Variants in TFPI2 observed in about 807,000 individuals in gnomAD.
The protein encoded by TFPI2 is tissue factor pathway inhibitor 2.
In TFPI2, 23 loss-of-function variants were observed where a neutral mutation model predicts 23.1. The observed-to-expected ratio is 1.00, with a 90% CI of 0.72 to 1.41. The LOEUF is 1.41. Ranked by LOEUF, TFPI2 falls within the 40% of genes most tolerant of loss-of-function variation. TFPI2 has a pLI of 0.00. For synonymous variants in TFPI2, 119 were observed against 111.7 expected (o/e 1.07, Z -0.41); for missense variants, 291 against 299.6 (o/e 0.97, Z 0.21).
chr7:93,889,113 C>T lies in TFPI2; in HGVS notation c.382G>A (p.Gly128Ser), dbSNP rs768678727. 18 of 1,612,938 alleles carry T rather than the reference C, an allele frequency of 1.1e-5. No homozygotes were observed. The highest frequency in any genetic ancestry group is 7.7e-5 in the South Asian group (7 of 90,798). ...SSMTCEKFFS[G>S]GCHRNRIENR... is the part of the protein sequence containing the mutation. The stretch of plus-strand genomic sequence containing the variant: ...TCAATCCGGTTCCGGTGACACCCAC[C>T]GGAAAAGAATTTTTCACATGTCATG... Residue 128 changes from glycine (G) to serine (S), a missense_variant, in exon 3 of 5, where the codon GGT becomes AGT. Transcript: ENST00000222543.
At chr7:93,888,219 T>A (rs1184619223) in intron 3 of TFPI2, among the ~76,000 whole-genome samples, 1 of 152,162 alleles carries the variant, frequency 6.6e-6, no homozygotes. Context: ...TAGAAAGAAA[T>A]TTTCAAGTTT....
rs367846975 is a variant in TFPI2 at position 93,890,365 on chromosome 7, G to A, written c.89-46C>T. 2.9e-5 allele frequency: 46 copies of A among 1,566,700 alleles called. No individual in the cohort carries two copies. The African/African-American group carries it at 5.2e-4, about 18-fold the overall frequency. ...GAGCAAAAGAGAGGGAAAGTGGTCAGGCGTAGCTCCTAGGAGGAAAGAACA... is the reference window on the plus strand; with the variant it reads ...GAGCAAAAGAGAGGGAAAGTGGTCAAGCGTAGCTCCTAGGAGGAAAGAACA... On this transcript the variant is annotated intron_variant, in intron 1 of 4. Coordinates refer to ENST00000222543, the MANE Select transcript of TFPI2 (RefSeq NM_006528.4).
In TFPI2 at chr7:93,890,750, T is replaced by C; in HGVS notation, c.-72A>G. On this transcript the variant is annotated 5_prime_UTR_variant, in exon 1 of 5. Transcript: ENST00000222543. ...GCCTGGCGGGAGGAGGTGCGCGGCT[T>C]TCTGCTCCAGGCGGCCCGGGTGCCC... 6.9e-7 allele frequency: 1 copy of C among 1,439,536 alleles called. No homozygotes were observed. Among genetic ancestry groups the C allele is most frequent in the Non-Finnish European group, 9.5e-7 (1 of 1,051,110 alleles). The allele number at this position is 1,439,536 out of a possible 1,614,324, so 89.2% of individuals were successfully genotyped here. A position where few individuals can be genotyped will look rare whatever the true frequency, so the allele number is the denominator to read the frequency against.
At chr7:93,890,470 A>G in intron 1 of TFPI2, 121 bp downstream of exon 1, 1 of 1,412,524 alleles carries the variant, frequency 7.1e-7, no homozygotes, top group Non-Finnish European at 9.5e-7. Flanking sequence ...CCCCCCTGCC[A>G]GCGGAGCGCG....
chr7:93,886,163 A>G lies in TFPI2; in HGVS notation c.*657T>C, dbSNP rs570707694. On this transcript the variant is annotated 3_prime_UTR_variant, in exon 5 of 5. Transcript: ENST00000222543. Reference sequence around the variant, plus strand: ...AAAACCCTTAAAACCATCTATCTCTATGTAAACACAAACATATACATGTGA... The same window carrying G: ...AAAACCCTTAAAACCATCTATCTCTGTGTAAACACAAACATATACATGTGA... The G allele has an allele frequency of 2.0e-5, 3 of 152,164 alleles. No individual in the cohort carries two copies. The South Asian group carries it at 6.2e-4, about 32-fold the overall frequency. The allele number at this position is 152,164 out of a possible 1,614,324, so 9.4% of individuals were successfully genotyped here.
Position 93,887,368 on chromosome 7 carries a change from T to C in TFPI2, c.524A>G (p.Tyr175Cys). 1.9e-6 allele frequency: 3 copies of C among 1,613,860 alleles called. No individual in the cohort carries two copies. Among genetic ancestry groups the C allele is most frequent in the Non-Finnish European group, 2.5e-6 (3 of 1,179,822 alleles). The change falls in exon 4 of 5, where the codon TAT becomes TGT. Residue 175 changes from tyrosine (Y) to cysteine (C), a missense_variant. Physicochemically the swap from Tyr to Cys is radical, Grantham distance 194. Coordinates refer to ENST00000222543, the MANE Select transcript of TFPI2 (RefSeq NM_006528.4). ...ACAGGTTCTGTATCTTGGATTAAAA[T>C]AATAGCGAGTCACATTGGCAGAGCA... ...GLCSANVTRY[Y>C]FNPRYRTCDA...
chr7:93,890,113 C>T (rs1794095691), intron 2 of TFPI2, 24 bp downstream of exon 2: 3 of 1,564,924 alleles, frequency 1.9e-6, no homozygotes, highest in African/African-American at 1.4e-5. Flanking sequence ...GCGCGAGAGT[C>T]CTGGGTGCGC....
rs1453896152 is a variant in TFPI2 at position 93,886,190 on chromosome 7, T to A, written c.*630A>T. 1.3e-5 allele frequency: 2 copies of A among 152,018 alleles called. No individual in the cohort carries two copies. Among genetic ancestry groups the A allele is most frequent in the African/African-American group, 4.8e-5 (2 of 41,444 alleles). 9.4% of individuals were successfully genotyped at this position (152,018 alleles called of 1,614,324 possible). ...GTAAACACAAACATATACATGTGAG[T>A]GGGGATTGGTAGATAAATAGATAGA... On this transcript the variant is annotated 3_prime_UTR_variant, in exon 5 of 5. Transcript: ENST00000222543.
Position 93,890,146 on chromosome 7 carries a change from T to C in TFPI2, c.262A>G (p.Arg88Gly), listed in dbSNP as rs111975101. 6.2e-6 allele frequency: 10 copies of C among 1,604,566 alleles called. No individual in the cohort carries two copies. The highest frequency in any genetic ancestry group is 2.2e-5 in the East Asian group (1 of 44,582). ...TWEACDDACWRIEKVPKVCRL... is the reference protein window; with the variant it reads ...TWEACDDACWGIEKVPKVCRL... ...CGCGCAGGGCACTTACTTTCTATCC[T>C]CCAGCAAGCATCGTCGCAAGCCTCC... Residue 88 changes from arginine to glycine, a missense_variant, in exon 2 of 5, where the codon AGG becomes GGG. Coordinates refer to ENST00000222543, the MANE Select transcript of TFPI2 (RefSeq NM_006528.4).
chr7:93,887,408 T>G lies in TFPI2; in HGVS notation c.484A>C (p.Lys162Gln). 6.2e-7 allele frequency: 1 copy of G among 1,610,650 alleles called. No individual in the cohort carries two copies. Among genetic ancestry groups the G allele is most frequent in the Non-Finnish European group, 8.5e-7 (1 of 1,179,094 alleles). ...TTGGCAGAGCACAGTCCCTCATCTT[T>G]TGGACTGTAGCAAAATGATGGAACT... Reference protein sequence around the residue: ...KKIPSFCYSPKDEGLCSANVT... With the variant: ...KKIPSFCYSPQDEGLCSANVT... The change falls in exon 4 of 5, where the codon AAA becomes CAA. Residue 162 changes from lysine to glutamine, a missense_variant. Physicochemically the swap from Lys to Gln is moderately conservative, Grantham distance 53 (BLOSUM62 1). Transcript: ENST00000222543.
At position 93,890,700 on chromosome 7, in the gene TFPI2, C is replaced by T. The variant is rs897804159; in HGVS notation, c.-22G>A. 1.3e-6 allele frequency: 2 copies of T among 1,598,954 alleles called. No homozygotes were observed. The highest frequency in any genetic ancestry group is 1.4e-5 in the African/African-American group (1 of 73,032). ...CCATGGTGCAGGGGGTCGGGCGGCC[C>T]GCTGGGCAAGGCGTCCGAGAAAGCG... is the stretch of plus-strand genomic sequence containing the variant. On this transcript the variant is annotated 5_prime_UTR_variant, in exon 1 of 5. Coordinates refer to ENST00000222543, the MANE Select transcript of TFPI2 (RefSeq NM_006528.4).
In TFPI2 at chr7:93,890,546, C is replaced by T. The variant is rs1334155694; in HGVS notation, c.88+45G>A. On this transcript the variant is annotated intron_variant, in intron 1 of 4. Transcript: ENST00000222543. ...CACGGGGCCCCATGGCCCGCTGCGC[C>T]CTCTCCGCCGGTTGGGGAGAGAAGC... The T allele has an allele frequency of 1.9e-6, 3 of 1,593,594 alleles. No homozygotes were observed. The East Asian group carries it at 6.8e-5, about 36-fold the overall frequency.
chr7:93,885,915 C>T lies in TFPI2; in HGVS notation c.*905G>A, dbSNP rs1357019648. The T allele has an allele frequency of 6.6e-6, 1 of 151,826 alleles. No individual in the cohort carries two copies. The highest frequency in any genetic ancestry group is 2.1e-4 in the South Asian group (1 of 4,816). The allele number at this position is 151,826 out of a possible 1,614,324, so 9.4% of individuals were successfully genotyped here. A position where few individuals can be genotyped will look rare whatever the true frequency, so the allele number is the denominator to read the frequency against. ...AGAATTTAGAAAAATTGTTTTATTACAGAGAAAGAAAAAACCTATTTCATT... is the reference window on the plus strand; with the variant it reads ...AGAATTTAGAAAAATTGTTTTATTATAGAGAAAGAAAAAACCTATTTCATT... On this transcript the variant is annotated 3_prime_UTR_variant, in exon 5 of 5. Transcript: ENST00000222543.
In TFPI2 at chr7:93,889,083, T is replaced by G; in HGVS notation, c.412A>C (p.Arg138=). 1 of 1,611,828 alleles carries G rather than the reference T, an allele frequency of 6.2e-7. No individual in the cohort carries two copies. The highest frequency in any genetic ancestry group is 8.5e-7 in the Non-Finnish European group (1 of 1,179,322). ...GGCHRNRIEN[R]FPDEATCMGF... ...ATACAAGTAGCTTCATCTGGAAACC[T>G]GTTCTCAATCCGGTTCCGGTGACAC... The change falls in exon 3 of 5, where the codon AGG becomes CGG. Residue 138 remains arginine, a synonymous_variant. Coordinates refer to ENST00000222543, the MANE Select transcript of TFPI2 (RefSeq NM_006528.4).
At chr7:93,888,544 A>AGAAG (rs56960901) in intron 3 of TFPI2, among the ~76,000 whole-genome samples, 13,691 of 105,264 alleles carry the variant, frequency 0.13, 1,122 homozygotes, top group African/African-American at 0.14. Context: ...AAGGAAGGAA[A>AGAAG]GAAGGAAGGA....
chr7:93,890,408 C>A (rs1794109576), intron 1 of TFPI2, 89 bp from the exon 2 acceptor site: 1 of 1,488,164 alleles, frequency 6.7e-7, no homozygotes, highest in Non-Finnish European at 9.0e-7. Context: ...GAGTTCTGTC[C>A]CCTTCCGAGC....
At chr7:93,888,216 A>C (rs1562778233) in intron 3 of TFPI2, among the ~76,000 whole-genome samples, 1 of 152,236 alleles carries the variant, frequency 6.6e-6, no homozygotes, top group South Asian at 2.1e-4. Context: ...CTTTAGAAAG[A>C]AATTTTCAAG....
intron 3 of TFPI2, among the ~76,000 whole-genome samples, chr7:93,888,637 G>C (rs1211793484): frequency 6.7e-6 from 1 of 148,228 alleles, no homozygotes; most frequent in Non-Finnish European, 1.5e-5. Context: ...AGGAAGGAAG[G>C]AGAGAAAGAA....
At chr7:93,888,590 A>AAG (rs754410994) in intron 3 of TFPI2, among the ~76,000 whole-genome samples, 97 of 42,278 alleles carry the variant, frequency 2.3e-3, no homozygotes, top group East Asian at 2.8e-3. Flanking sequence ...GGAAGGAAAG[A>AAG]GAAAGAAAGA....
Sources: allele counts gnomAD v4.1 joint callset (sites outside exome capture counted in the v4.1 genomes callset), GRCh38; gene constraint gnomAD v4.1.1; transcripts MANE v1.5; gene names NCBI Gene and HGNC (gene_info 2026-07-23, HGNC 2026-07-21).